Variants in NCKAP1L observed in about 807,000 individuals in gnomAD.
The protein encoded by NCKAP1L is nck-associated protein 1-like.
NCKAP1L carries 53 observed loss-of-function variants against 139.2 expected under a neutral mutation model. That is an observed-to-expected ratio of 0.38 (90% CI 0.31 to 0.48). The LOEUF (loss-of-function observed/expected upper bound fraction) is 0.48. Ranked by LOEUF, NCKAP1L falls within the 20% of genes least tolerant of loss-of-function variation. The pLI, the probability that NCKAP1L is intolerant of heterozygous loss-of-function variation, is 0.98. For missense variants in NCKAP1L, 1,151 were observed against 1,381.9 expected (o/e 0.83, Z 2.65); for synonymous variants, 468 against 499.7 (o/e 0.94, Z 0.85).
In NCKAP1L at chr12:54,547,274, G is replaced by A. The variant is rs1368369210; in HGVS notation, c.*4589G>A. The A allele has an allele frequency of 6.6e-6, 1 of 152,202 alleles. No homozygotes were observed. Among genetic ancestry groups the A allele is most frequent in the Non-Finnish European group, 1.5e-5 (1 of 68,038 alleles). The allele number at this position is 152,202 out of a possible 1,614,324, so 9.4% of individuals were successfully genotyped here. Reference sequence around the variant, plus strand: ...ACACCAGGACTGGTGACTAAAGAAAGTGAAAGGAGCCACAGAGTGAAAAAG... The same window carrying A: ...ACACCAGGACTGGTGACTAAAGAAAATGAAAGGAGCCACAGAGTGAAAAAG... On this transcript the variant is annotated 3_prime_UTR_variant, in exon 31 of 31. Coordinates refer to ENST00000293373, the MANE Select transcript of NCKAP1L (RefSeq NM_005337.5).
At chr12:54,508,245 T>G (rs1190874914) in intron 4 of NCKAP1L, 144 bp from the exon 5 acceptor site, 1 of 921,706 alleles carries the variant, frequency 1.1e-6, no homozygotes, top group Non-Finnish European at 1.7e-6. Context: ...AATTTTCTTA[T>G]TCTTCTTTTC....
At chr12:54,512,488 A>G in intron 9 of NCKAP1L, 1 of 162,254 alleles carries the variant, frequency 6.2e-6, no homozygotes, top group Non-Finnish European at 1.4e-5. Flanking sequence ...GTTGTGAAGA[A>G]TAAAAGTGTT....
intron 16 of NCKAP1L, among the ~76,000 whole-genome samples, chr12:54,520,345 AC>A (rs1956971514): frequency 6.6e-6 from 1 of 152,230 alleles, no homozygotes; most frequent in Non-Finnish European, 1.5e-5. Flanking sequence ...AATTAACACT[AC>A]TGAAGGACTT....
chr12:54,540,532 G>A (rs962929474), intron 30 of NCKAP1L, among the ~76,000 whole-genome samples: 3 of 152,176 alleles, frequency 2.0e-5, no homozygotes, highest in Non-Finnish European at 2.9e-5. Flanking sequence ...CTGAGACTTC[G>A]GCTCTCTATC....
At position 54,524,023 on chromosome 12, in the gene NCKAP1L, T is replaced by C. The variant is rs1460063940; in HGVS notation, c.2156+67T>C. On this transcript the variant is annotated intron_variant, in intron 20 of 30. Coordinates refer to ENST00000293373, the MANE Select transcript of NCKAP1L (RefSeq NM_005337.5). ...ATACCCTACCATATACCTCTATGTG[T>C]AGTATGGTGGTCCTCAAAGTTGGGT... The C allele has an allele frequency of 7.9e-6, 12 of 1,512,834 alleles. No homozygotes were observed. In the African/African-American group the frequency reaches 1.2e-4, roughly 16 times the overall value. 93.7% of individuals were successfully genotyped at this position (1,512,834 alleles called of 1,614,324 possible).
rs915625438 is a variant in NCKAP1L, at chr12:54,528,143, T to G, written c.2376-104T>G. 3 of 1,389,458 alleles carry G rather than the reference T, an allele frequency of 2.2e-6. No homozygotes were observed. In the African/African-American group the frequency reaches 4.3e-5, roughly 20 times the overall value. 86.1% of individuals were successfully genotyped at this position (1,389,458 alleles called of 1,614,324 possible). A position where few individuals can be genotyped will look rare whatever the true frequency, so the allele number is the denominator to read the frequency against. On this transcript the variant is annotated intron_variant, in intron 21 of 30. Coordinates refer to ENST00000293373, the MANE Select transcript of NCKAP1L (RefSeq NM_005337.5). ...TTTGAGTTTCTTCTCCCTACCCCAG[T>G]CTTTTGCAGAGTTTTTCTTTCTGAG...
At chr12:54,508,949 G>C (rs918594789) in intron 5 of NCKAP1L, among the ~76,000 whole-genome samples, 7 of 152,148 alleles carry the variant, frequency 4.6e-5, no homozygotes, top group Non-Finnish European at 1.0e-4. Flanking sequence ...TTGAATATCT[G>C]CTAGTGGATT....
At chr12:54,499,740 A>C (rs1456963975) in intron 2 of NCKAP1L, among the ~76,000 whole-genome samples, 2 of 152,142 alleles carry the variant, frequency 1.3e-5, no homozygotes, top group Non-Finnish European at 2.9e-5. Flanking sequence ...GTTTTTGTAC[A>C]AGACAGCTCT....
chr12:54,512,014 T>A lies in NCKAP1L; in HGVS notation c.850T>A (p.Cys284Ser). Residue 284 changes from cysteine (C) to serine (S), a missense_variant, in exon 9 of 31, where the codon TGT becomes AGT. Cys to Ser is a moderately radical substitution (Grantham distance 112). Coordinates refer to ENST00000293373, the MANE Select transcript of NCKAP1L (RefSeq NM_005337.5). ...NSQCQKLWKL[C>S]LQGSLYITLI... ...CCAGTGCCAGAAGCTGTGGAAGCTG[T>A]GTCTGCAGGGCTCCCTCTACATCAC... The A allele has an allele frequency of 1.2e-6, 2 of 1,614,218 alleles. No homozygotes were observed. Among genetic ancestry groups the A allele is most frequent in the Non-Finnish European group, 1.7e-6 (2 of 1,180,028 alleles).
At chr12:54,506,796 A>AAAAATATATATATATATATATATATATAT in intron 3 of NCKAP1L, among the ~76,000 whole-genome samples, 1 of 50,606 alleles carries the variant, frequency 2.0e-5, no homozygotes, top group Non-Finnish European at 3.0e-5. Flanking sequence ...AAAAAAAAAA[A>AAAAATATATATATATATATATATATATAT]ATATATATAT....
At chr12:54,517,722 C>G (rs545613632) in intron 12 of NCKAP1L, 80 bp downstream of exon 12, 81 of 1,595,694 alleles carry the variant, frequency 5.1e-5, no homozygotes, top group African/African-American at 1.2e-4. Context: ...TAGGAGGTCT[C>G]AATTTCTGCC....
chr12:54,500,663 C>A, intron 3 of NCKAP1L, 38 bp downstream of exon 3: 1 of 1,240,386 alleles, frequency 8.1e-7, no homozygotes, highest in South Asian at 1.2e-5. Flanking sequence ...TAGGCAAGGT[C>A]TTTCAGAGGC....
At chr12:54,510,092 GTC>G in intron 7 of NCKAP1L, 107 bp downstream of exon 7, 1 of 1,401,816 alleles carries the variant, frequency 7.1e-7, no homozygotes, top group Non-Finnish European at 9.7e-7. Flanking sequence ...GAATGCTTTA[GTC>G]TTCTTCTAGG....
chr12:54,516,188 G>A (rs759372752), intron 9 of NCKAP1L, 51 bp from the exon 10 acceptor site: 20 of 1,598,472 alleles, frequency 1.3e-5, no homozygotes, highest in Non-Finnish European at 1.6e-5. Context: ...GTGAGGCAAG[G>A]GCCCTAATGG....
At chr12:54,506,448 G>T (rs2120886232) in intron 3 of NCKAP1L, among the ~76,000 whole-genome samples, 2 of 151,750 alleles carry the variant, frequency 1.3e-5, no homozygotes, top group East Asian at 3.9e-4. Context: ...TGTCACCCAG[G>T]CTGGAGTGCA....
At chr12:54,516,855 G>T (rs192718493) in intron 10 of NCKAP1L, 41 bp from the exon 11 acceptor site, 5 of 1,562,056 alleles carry the variant, frequency 3.2e-6, no homozygotes, top group Non-Finnish European at 8.8e-7. Flanking sequence ...GGTTTTTAAG[G>T]GTGGGAGAGG....
intron 30 of NCKAP1L, among the ~76,000 whole-genome samples, chr12:54,541,068 C>G (rs2120982631): frequency 6.6e-6 from 1 of 152,364 alleles, no homozygotes; most frequent in South Asian, 2.1e-4. Flanking sequence ...AAGCCTGGGC[C>G]ATGCCTGCAC....
In NCKAP1L at chr12:54,500,536, C is replaced by A. The variant is rs117605527; in HGVS notation, c.217C>A (p.His73Asn). Residue 73 changes from histidine (H) to asparagine (N), a missense_variant, in exon 3 of 31, where the codon CAT becomes AAT. His to Asn is a moderately conservative substitution (Grantham distance 68). Coordinates refer to ENST00000293373, the MANE Select transcript of NCKAP1L (RefSeq NM_005337.5). ...PNIDVRNSTQ[H>N]LGPVHREKAE... ...TTTTGTTTTGTGTTTCTCTCAGCAA[C>A]ATTTAGGACCAGTACATCGTGAAAA... is the stretch of plus-strand genomic sequence containing the variant. The A allele has an allele frequency of 1.2e-6, 2 of 1,607,774 alleles. No individual in the cohort carries two copies. Among genetic ancestry groups the A allele is most frequent in the Non-Finnish European group, 1.7e-6 (2 of 1,174,446 alleles).
chr12:54,526,575 T>G lies in NCKAP1L; in HGVS notation c.2204T>G (p.Val735Gly). The G allele has an allele frequency of 1.2e-6, 2 of 1,614,152 alleles. No homozygotes were observed. Among genetic ancestry groups the G allele is most frequent in the Non-Finnish European group, 8.5e-7 (1 of 1,180,032 alleles). Residue 735 changes from valine (V) to glycine (G), a missense_variant, in exon 21 of 31, where the codon GTA (valine) becomes GGA (glycine). By Grantham distance (109) the Val-to-Gly change is moderately radical. Coordinates refer to ENST00000293373, the MANE Select transcript of NCKAP1L (RefSeq NM_005337.5). ...TACAATGCCACGACCCAGGAGATCG[T>G]ACGGCCTTCTGAGCTGTTGGCAGGA... The part of the protein sequence containing the change: ...AGYNATTQEI[V>G]RPSELLAGVK...
Sources: allele counts gnomAD v4.1 joint callset (sites outside exome capture counted in the v4.1 genomes callset), GRCh38; gene constraint gnomAD v4.1.1; transcripts MANE v1.5; gene names NCBI Gene and HGNC (gene_info 2026-07-23, HGNC 2026-07-21).